Variants in MDGA1 observed in about 807,000 individuals in gnomAD.
The protein encoded by MDGA1 is MAM domain containing glycosylphosphatidylinositol anchor 1, also known as MAM domain-containing glycosylphosphatidylinositol anchor protein 1.
Under a neutral mutation model 101.5 loss-of-function variants are expected in MDGA1, and 54 were observed. That is an observed-to-expected ratio of 0.53 (90% CI 0.43 to 0.67). The LOEUF (loss-of-function observed/expected upper bound fraction) is 0.67. Among genes scored for constraint, MDGA1 ranks in the 30% least tolerant of loss-of-function variants. MDGA1 has a pLI of 0.00. For missense variants in MDGA1, 1,083 were observed against 1,323.8 expected (o/e 0.82, Z 2.82); for synonymous variants, 533 against 558.3 (o/e 0.95, Z 0.64).
At chr6:37,678,219 C>T (rs1762022538) in intron 1 of MDGA1, among the ~76,000 whole-genome samples, 1 of 152,138 alleles carries the variant, frequency 6.6e-6, no homozygotes, top group African/African-American at 2.4e-5. Flanking sequence ...CTCCCGTTAA[C>T]CAAGTATCAG....
intron 1 of MDGA1, among the ~76,000 whole-genome samples, chr6:37,668,567 TCC>T (rs1351219891): frequency 2.6e-5 from 4 of 152,194 alleles, no homozygotes; most frequent in African/African-American, 7.2e-5. Flanking sequence ...AAAGGAATAT[TCC>T]CCGTTAAGTG....
rs1044637459 is a variant in MDGA1 at position 37,649,179 on chromosome 6, C to G, written c.1697G>C (p.Ser566Thr). The change falls in exon 9 of 17, where the codon AGC becomes ACC. Residue 566 changes from serine to threonine, a missense_variant. Ser to Thr is a moderately conservative substitution (Grantham distance 58). This residue lies in a region of MDGA1 where 657 missense variants were observed against 771.4 expected (regional missense o/e 0.85). Transcript: ENST00000434837. ...CACAGCCGAGGCGATGCGCTGGGGG[C>G]TGCCTCGCAGCAGCGAGCAGCGCAG... is the stretch of plus-strand genomic sequence containing the variant. ...VLLRCSLLRG[S>T]PQRIASAVWR... The G allele has an allele frequency of 4.1e-5, 62 of 1,498,004 alleles. No individual in the cohort carries two copies. Among genetic ancestry groups the G allele is most frequent in the Non-Finnish European group, 5.1e-5 (58 of 1,132,158 alleles). 92.8% of individuals were successfully genotyped at this position (1,498,004 alleles called of 1,614,324 possible).
intron 10 of MDGA1, among the ~76,000 whole-genome samples, chr6:37,646,686 T>C (rs804859): frequency 0.69 from 104,887 of 151,950 alleles, 36,374 homozygotes; most frequent in East Asian, 0.83. Flanking sequence ...TGGGTTCTGG[T>C]CTAGGCAGTC....
Position 37,696,687 on chromosome 6 carries a change from C to T in MDGA1, c.67+58G>A. The T allele has an allele frequency of 6.6e-7, 1 of 1,507,800 alleles. No individual in the cohort carries two copies. Among genetic ancestry groups the T allele is most frequent in the Non-Finnish European group, 9.0e-7 (1 of 1,106,502 alleles). The allele number at this position is 1,507,800 out of a possible 1,614,324, so 93.4% of individuals were successfully genotyped here. A position where few individuals can be genotyped will look rare whatever the true frequency, so the allele number is the denominator to read the frequency against. The stretch of plus-strand genomic sequence containing the variant: ...AACCCCGGCAGCGCGCACTTTGCGC[C>T]TCTTGCAAAGTTTCCGCGCGAGGTT... On this transcript the variant is annotated intron_variant, in intron 1 of 16. Coordinates refer to ENST00000434837, the MANE Select transcript of MDGA1 (RefSeq NM_153487.4). The surrounding 1 kb of genome is among the most constrained non-coding windows in gnomAD (Gnocchi z 5.6).
At chr6:37,684,759 T>C (rs1762163031) in intron 1 of MDGA1, among the ~76,000 whole-genome samples, 1 of 152,202 alleles carries the variant, frequency 6.6e-6, no homozygotes, top group South Asian at 2.1e-4. Context: ...GTGTCTACCC[T>C]GTAGTCTTAT....
At chr6:37,673,439 A>G (rs1213320505) in intron 1 of MDGA1, among the ~76,000 whole-genome samples, 2 of 152,262 alleles carry the variant, frequency 1.3e-5, no homozygotes, top group Non-Finnish European at 2.9e-5. Flanking sequence ...TCTTTTAATT[A>G]GCTGCTCAGA....
chr6:37,642,548 G>A (rs1330628888), intron 14 of MDGA1, among the ~76,000 whole-genome samples: 1 of 152,184 alleles, frequency 6.6e-6, no homozygotes, highest in Non-Finnish European at 1.5e-5. Flanking sequence ...ACCTTTGGCA[G>A]ATCAACTGGG....
Position 37,655,067 on chromosome 6 carries a change from A to C in MDGA1, c.580-135T>G. ...TCTTTCCATCCCCAACCCCACCCTCACCATTTAGCCCCAGGGGTCCTGAGC... is the reference window on the plus strand; with the variant it reads ...TCTTTCCATCCCCAACCCCACCCTCCCCATTTAGCCCCAGGGGTCCTGAGC... On this transcript the variant is annotated intron_variant, in intron 4 of 16. Transcript: ENST00000434837. The surrounding 1 kb of genome is among the most constrained non-coding windows in gnomAD (Gnocchi z 5.1). 3 of 1,114,158 alleles carry C rather than the reference A, an allele frequency of 2.7e-6. No homozygotes were observed. Among genetic ancestry groups the C allele is most frequent in the Non-Finnish European group, 3.8e-6 (3 of 793,326 alleles). The allele number at this position is 1,114,158 out of a possible 1,614,324, so 69.0% of individuals were successfully genotyped here.
At chr6:37,662,997 T>C (rs77395581) in intron 2 of MDGA1, among the ~76,000 whole-genome samples, 2,669 of 152,318 alleles carry the variant, frequency 0.018, 69 homozygotes, top group African/African-American at 0.058. Flanking sequence ...GCAGTGATCA[T>C]AGCTTTTTGT....
Position 37,649,185 on chromosome 6 carries a change from C to G in MDGA1, c.1691G>C (p.Arg564Pro). 2 of 1,500,134 alleles carry G rather than the reference C, an allele frequency of 1.3e-6. No individual in the cohort carries two copies. Among genetic ancestry groups the G allele is most frequent in the South Asian group, 1.3e-5 (1 of 79,392 alleles). The allele number at this position is 1,500,134 out of a possible 1,614,324, so 92.9% of individuals were successfully genotyped here. The change falls in exon 9 of 17, where the codon CGA becomes CCA. Residue 564 changes from arginine (R) to proline (P), a missense_variant. Arg to Pro is a moderately radical substitution (Grantham distance 103). This residue lies in a region of MDGA1 where 657 missense variants were observed against 771.4 expected (regional missense o/e 0.85). Coordinates refer to ENST00000434837, the MANE Select transcript of MDGA1 (RefSeq NM_153487.4). The stretch of plus-strand genomic sequence containing the variant: ...CGAGGCGATGCGCTGGGGGCTGCCT[C>G]GCAGCAGCGAGCAGCGCAGGAGCAC... ...RPVLLRCSLL[R>P]GSPQRIASAV... is the part of the protein sequence containing the mutation.
At chr6:37,691,596 G>C (rs1007390943) in intron 1 of MDGA1, among the ~76,000 whole-genome samples, 5 of 152,220 alleles carry the variant, frequency 3.3e-5, no homozygotes, top group African/African-American at 1.2e-4. Flanking sequence ...GTTTTGCAAA[G>C]AGCACATGTT....
intron 8 of MDGA1, 122 bp from the exon 9 acceptor site, chr6:37,649,388 G>A: frequency 7.2e-7 from 1 of 1,383,810 alleles, no homozygotes. Flanking sequence ...AAAATCCCAG[G>A]GCGGATGCAC....
Position 37,697,437 on chromosome 6 carries a change from GC to G in MDGA1, c.-627del, listed in dbSNP as rs1433617027. On this transcript the variant is annotated 5_prime_UTR_variant, in exon 1 of 17. Coordinates refer to ENST00000434837, the MANE Select transcript of MDGA1 (RefSeq NM_153487.4). ...CGGGCTGGGTTCGGCCGAGGGACGA[GC>G]GCCGCGGGTCCCCGGGTCCGTGAAG... The G allele has an allele frequency of 3.9e-5, 6 of 152,176 alleles. No individual in the cohort carries two copies. The highest frequency in any genetic ancestry group is 1.2e-4 in the African/African-American group (5 of 41,534). 9.4% of individuals were successfully genotyped at this position (152,176 alleles called of 1,614,324 possible). A position where few individuals can be genotyped will look rare whatever the true frequency, so the allele number is the denominator to read the frequency against.
chr6:37,643,102 C>A (rs1003351921), intron 14 of MDGA1, among the ~76,000 whole-genome samples: 1 of 152,160 alleles, frequency 6.6e-6, no homozygotes, highest in Non-Finnish European at 1.5e-5. Flanking sequence ...AAATGCTTGA[C>A]GTCTCTGAGT....
chr6:37,676,252 C>G (rs991546794), intron 1 of MDGA1, among the ~76,000 whole-genome samples: 1 of 152,226 alleles, frequency 6.6e-6, no homozygotes, highest in Non-Finnish European at 1.5e-5. Flanking sequence ...GGACCGGAGA[C>G]ACACTGCCAG....
rs760733862 is a variant in MDGA1 at position 37,650,420 on chromosome 6, G to A, written c.1313-15C>T. Reference sequence around the variant, plus strand: ...GGTGGGCGGCACTGTGGGGGTGATGGTGATCAGCGGAGAGGTAGGAGCGGA... The same window carrying A: ...GGTGGGCGGCACTGTGGGGGTGATGATGATCAGCGGAGAGGTAGGAGCGGA... On this transcript the variant is annotated splice_polypyrimidine_tract_variant and intron_variant, in intron 7 of 16. Transcript: ENST00000434837. 157 of 1,517,982 alleles carry A rather than the reference G, an allele frequency of 1.0e-4. 1 individual carries two copies. The highest frequency in any genetic ancestry group is 7.1e-6 in the Non-Finnish European group (8 of 1,130,794). 94.0% of individuals were successfully genotyped at this position (1,517,982 alleles called of 1,614,324 possible).
intron 16 of MDGA1, 116 bp from the exon 17 acceptor site, chr6:37,637,575 G>A: frequency 2.4e-6 from 2 of 821,924 alleles, no homozygotes; most frequent in Non-Finnish European, 4.0e-6. Flanking sequence ...GGGCCTGAGG[G>A]TGGGCACTGG....
intron 1 of MDGA1, among the ~76,000 whole-genome samples, chr6:37,687,089 C>T (rs1581631884): frequency 1.3e-5 from 2 of 152,114 alleles, no homozygotes; most frequent in Non-Finnish European, 2.9e-5. Context: ...ACTGTAGGGC[C>T]CTGGGCAAGT....
intron 8 of MDGA1, chr6:37,649,870 AT>A (rs796633403): frequency 2.0e-3 from 1,270 of 625,408 alleles, no homozygotes; most frequent in East Asian, 2.8e-3. Flanking sequence ...AAATCAAGTA[AT>A]TTTTTTTTTG....
Sources: allele counts gnomAD v4.1 joint callset (sites outside exome capture counted in the v4.1 genomes callset), GRCh38; gene constraint gnomAD v4.1.1; regional missense constraint gnomAD v4.1.1; non-coding constraint Gnocchi (gnomAD v3.1); transcripts MANE v1.5; gene names NCBI Gene and HGNC (gene_info 2026-07-23, HGNC 2026-07-21).